The following FAR2 variants were observed in gnomAD, a reference collection of about 807,000 sequenced individuals.
The protein encoded by FAR2 is epididymis secretory protein Li 81.
In FAR2, 19 loss-of-function variants were observed where a neutral mutation model predicts 56.0. The observed-to-expected ratio is 0.34, with a 90% CI of 0.24 to 0.50. The LOEUF is 0.50. FAR2 is among the 20% of genes least tolerant of loss of function. FAR2 has a pLI of 0.98. For synonymous variants in FAR2, 219 were observed against 218.8 expected, an observed-to-expected ratio of 1.00 and a Z score of -0.01; for missense variants, 508 against 642.2, an observed-to-expected ratio of 0.79 and a Z score of 2.26.
chr12:29,291,391 G>A, intron 2 of FAR2: 1 of 456,004 alleles, frequency 2.2e-6, no homozygotes, highest in Non-Finnish European at 4.4e-6. Flanking sequence ...TTTTAACCAG[G>A]TTCTTTGATT....
At chr12:29,320,533 T>A (rs923511148) in intron 9 of FAR2, among the ~76,000 whole-genome samples, 13 of 152,176 alleles carry the variant, frequency 8.5e-5, no homozygotes, top group Non-Finnish European at 1.8e-4. Flanking sequence ...TGACCAGAAG[T>A]AAGACCAAAT....
chr12:29,194,004 A>G (rs976570615), intron 1 of FAR2, among the ~76,000 whole-genome samples: 4 of 152,222 alleles, frequency 2.6e-5, no homozygotes, highest in Non-Finnish European at 4.4e-5. Flanking sequence ...TAGGCAATGT[A>G]CTAGAGACAT....
chr12:29,312,145 G>C (rs979481833), intron 8 of FAR2, among the ~76,000 whole-genome samples, 195 bp downstream of exon 8: 10 of 152,100 alleles, frequency 6.6e-5, no homozygotes, highest in African/African-American at 2.4e-4. Context: ...AGGAGTCAGT[G>C]GCAACATGTA....
chr12:29,231,906 A>G (rs909118709), intron 1 of FAR2, among the ~76,000 whole-genome samples: 1 of 152,254 alleles, frequency 6.6e-6, no homozygotes, highest in Non-Finnish European at 1.5e-5. Flanking sequence ...GCAACAGGAC[A>G]GTATTTGTGG....
At chr12:29,254,950 C>CAAAA (rs759782873) in intron 1 of FAR2, among the ~76,000 whole-genome samples, 1 of 121,542 alleles carries the variant, frequency 8.2e-6, no homozygotes, top group African/African-American at 3.4e-5. Flanking sequence ...AAGACTGTCT[C>CAAAA]AAAAAAAAAA....
chr12:29,263,279 C>G (rs1036803187), intron 1 of FAR2, among the ~76,000 whole-genome samples: 1 of 152,164 alleles, frequency 6.6e-6, no homozygotes, highest in Non-Finnish European at 1.5e-5. Context: ...TGAACTTAAT[C>G]TGCACTGTAG....
intron 1 of FAR2, among the ~76,000 whole-genome samples, chr12:29,162,005 T>TA (rs1480730944): frequency 2.0e-5 from 3 of 152,324 alleles, no homozygotes; most frequent in Admixed American, 1.3e-4. Context: ...GGGTATACGT[T>TA]ATATGTTCTG....
intron 1 of FAR2, among the ~76,000 whole-genome samples, chr12:29,220,540 T>C (rs1382937430): frequency 6.6e-6 from 1 of 152,110 alleles, no homozygotes; most frequent in Non-Finnish European, 1.5e-5. Context: ...TTCAAGAAAA[T>C]ATGGTGGTTA....
intron 1 of FAR2, among the ~76,000 whole-genome samples, chr12:29,266,922 T>C (rs1359797751): frequency 1.3e-5 from 2 of 152,100 alleles, no homozygotes; most frequent in Admixed American, 6.5e-5. Flanking sequence ...TTCTAGAAAA[T>C]ATGACTCCAC....
intron 10 of FAR2, among the ~76,000 whole-genome samples, chr12:29,328,413 C>A (rs1426842616): frequency 1.3e-5 from 2 of 152,010 alleles, no homozygotes; most frequent in Non-Finnish European, 2.9e-5. Context: ...GGGTATATAC[C>A]CAAAGGATTA....
At chr12:29,223,689 G>A (rs544926554) in intron 1 of FAR2, 90 of 152,280 alleles carry the variant, frequency 5.9e-4, no homozygotes, top group African/African-American at 2.0e-3. Flanking sequence ...ATTCAGCTTG[G>A]GGTGAGCTGC....
chr12:29,264,181 T>C (rs1178440609), intron 1 of FAR2, among the ~76,000 whole-genome samples: 3 of 152,100 alleles, frequency 2.0e-5, no homozygotes, highest in African/African-American at 7.2e-5. Context: ...TGCAAATCAG[T>C]CAATATGATA....
chr12:29,267,121 T>G (rs11050162), intron 1 of FAR2, among the ~76,000 whole-genome samples: 49,358 of 151,818 alleles, frequency 0.33, 8,194 homozygotes, highest in Non-Finnish European at 0.37. Flanking sequence ...GAAGTATAGT[T>G]ATATTTGGTG....
intron 4 of FAR2, among the ~76,000 whole-genome samples, chr12:29,300,002 A>C (rs1368806723): frequency 6.6e-6 from 1 of 152,236 alleles, no homozygotes; most frequent in Non-Finnish European, 1.5e-5. Flanking sequence ...ACATTAGACA[A>C]TGAGCTTCTC....
At chr12:29,245,024 A>G (rs904532764) in intron 1 of FAR2, among the ~76,000 whole-genome samples, 1 of 149,692 alleles carries the variant, frequency 6.7e-6, no homozygotes, top group Non-Finnish European at 1.5e-5. Flanking sequence ...CTCTACGGCC[A>G]TGCTGGAGTG....
chr12:29,222,349 G>T (rs1001654130), intron 1 of FAR2, among the ~76,000 whole-genome samples: 1 of 152,136 alleles, frequency 6.6e-6, no homozygotes, highest in Non-Finnish European at 1.5e-5. Flanking sequence ...CATTTTTTAA[G>T]TGTCAAGAAA....
Position 29,319,062 on chromosome 12 carries a change from C to T in FAR2, c.1127+2050C>T, listed in dbSNP as rs748273572. On this transcript the variant is annotated intron_variant, in intron 9 of 11. Coordinates refer to ENST00000536681, the MANE Select transcript of FAR2 (RefSeq NM_001271783.2). ...CTAGAGTGCAGTGGCGAGATCTCAG[C>T]GCACTGCAACCTCTGCCTCCTGGGT... 3.3e-5 allele frequency among the ~76,000 whole-genome samples: 5 copies of T among 151,540 alleles called. No homozygotes were observed. In the East Asian group the frequency reaches 7.8e-4, roughly 24 times the overall value.
At chr12:29,180,736 T>C (rs1345903729) in intron 1 of FAR2, among the ~76,000 whole-genome samples, 1 of 151,282 alleles carries the variant, frequency 6.6e-6, no homozygotes, top group African/African-American at 2.4e-5. Context: ...TATCTATCTA[T>C]CTATCTATCT....
At chr12:29,188,859 C>G (rs1412109631) in intron 1 of FAR2, among the ~76,000 whole-genome samples, 1 of 150,340 alleles carries the variant, frequency 6.7e-6, no homozygotes, top group Non-Finnish European at 1.5e-5. Context: ...TGAGGTTTAT[C>G]TGATGTTTTC....
Sources: gnomAD v4.1 joint callset for allele counts (sites outside exome capture counted in the v4.1 genomes callset) on GRCh38, gnomAD v4.1.1 for gene constraint, MANE v1.5 for transcripts, NCBI Gene and HGNC (gene_info 2026-07-23, HGNC 2026-07-21) for gene names.